Variants in RAB3GAP1 observed in about 807,000 individuals in gnomAD.
The protein encoded by RAB3GAP1 is RAB3 GTPase activating protein catalytic subunit 1, also known as rab3 GTPase-activating protein catalytic subunit.
In RAB3GAP1, 86 loss-of-function variants were observed where a neutral mutation model predicts 130.7. That is an observed-to-expected ratio of 0.66 (90% CI 0.55 to 0.79). The LOEUF is 0.79. RAB3GAP1 is among the 30% of genes least tolerant of loss of function. RAB3GAP1 has a pLI of 0.00. For synonymous variants in RAB3GAP1, 367 were observed against 401.7 expected, an observed-to-expected ratio of 0.91 and a Z score of 1.03; for missense variants, 1,029 against 1,169.4, an observed-to-expected ratio of 0.88 and a Z score of 1.75.
intron 11 of RAB3GAP1, among the ~76,000 whole-genome samples, chr2:135,128,263 A>G (rs1441147188): frequency 6.6e-6 from 1 of 152,226 alleles, no homozygotes; most frequent in African/African-American, 2.4e-5. Context: ...CAAGAGTATT[A>G]CAGTTGGACA....
chr2:135,098,120 G>C (rs1690352164), intron 5 of RAB3GAP1, among the ~76,000 whole-genome samples: 1 of 152,038 alleles, frequency 6.6e-6, no homozygotes, highest in Non-Finnish European at 1.5e-5. Context: ...TCTTTCGTGT[G>C]TTTATTTGTC....
At chr2:135,168,376 C>A (rs1431466507) in intron 23 of RAB3GAP1, among the ~76,000 whole-genome samples, 169 bp from the exon 24 acceptor site, 1 of 152,222 alleles carries the variant, frequency 6.6e-6, no homozygotes, top group African/African-American at 2.4e-5. Flanking sequence ...AAGCTTCTTG[C>A]ATTTGCTGTG....
intron 17 of RAB3GAP1, among the ~76,000 whole-genome samples, chr2:135,140,171 C>T (rs1432427872): frequency 6.6e-6 from 1 of 152,142 alleles, no homozygotes; most frequent in Non-Finnish European, 1.5e-5. Context: ...GTTGTTTTCA[C>T]TTTGGGCTAA....
At chr2:135,158,046 G>A (rs1692364426) in intron 19 of RAB3GAP1, among the ~76,000 whole-genome samples, 2 of 152,048 alleles carry the variant, frequency 1.3e-5, no homozygotes, top group Non-Finnish European at 2.9e-5. Context: ...AAGGAAGAAC[G>A]CAGTGGCAAT....
At chr2:135,107,553 ATTGT>A (rs994232473) in intron 5 of RAB3GAP1, among the ~76,000 whole-genome samples, 8 of 152,216 alleles carry the variant, frequency 5.3e-5, no homozygotes, top group African/African-American at 1.9e-4. Flanking sequence ...CAAAAAATGA[ATTGT>A]TTGAGCACCT....
chr2:135,137,986 T>C (rs1307298220), intron 17 of RAB3GAP1, among the ~76,000 whole-genome samples: 3 of 151,922 alleles, frequency 2.0e-5, no homozygotes, highest in Admixed American at 2.0e-4. Context: ...CCACCATGCC[T>C]GGCTAATTTT....
At chr2:135,153,499 A>T in intron 18 of RAB3GAP1, 150 bp from the exon 19 acceptor site, 1 of 695,952 alleles carries the variant, frequency 1.4e-6, no homozygotes, top group Non-Finnish European at 2.6e-6. Flanking sequence ...TTAACATCTG[A>T]CCTATTTTAA....
chr2:135,058,307 GTGTA>G, intron 3 of RAB3GAP1: 7 of 451,064 alleles, frequency 1.6e-5, no homozygotes, highest in East Asian at 4.2e-5. Context: ...ATATGTGTGT[GTGTA>G]TATATATATA....
At chr2:135,173,741 AAGC>A (rs946370893), downstream of RAB3GAP1, among the ~76,000 whole-genome samples, 4 of 152,112 alleles carry the variant, frequency 2.6e-5, no homozygotes, top group African/African-American at 9.7e-5. Flanking sequence ...GAAGGTCATG[AAGC>A]AGCTGCCAAT....
intron 9 of RAB3GAP1, 34 bp from the exon 10 acceptor site, chr2:135,126,147 A>G: frequency 6.8e-7 from 1 of 1,478,618 alleles, no homozygotes; most frequent in Non-Finnish European, 9.5e-7. Flanking sequence ...CTGAGTCAGT[A>G]TTAAAGCTTT....
intron 3 of RAB3GAP1, 61 bp downstream of exon 3, chr2:135,058,147 C>G: frequency 1.5e-6 from 2 of 1,372,154 alleles, no homozygotes; most frequent in Non-Finnish European, 2.1e-6. Flanking sequence ...TATTTTCCAG[C>G]CCTTTGCTGC....
At chr2:135,143,908 A>C (rs1481272426) in intron 17 of RAB3GAP1, among the ~76,000 whole-genome samples, 1 of 152,164 alleles carries the variant, frequency 6.6e-6, no homozygotes, top group Non-Finnish European at 1.5e-5. Context: ...ATAATTCCTG[A>C]ATATGTTCTC....
intron 8 of RAB3GAP1, among the ~76,000 whole-genome samples, chr2:135,122,948 C>T (rs1023042932): frequency 1.1e-4 from 16 of 152,026 alleles, no homozygotes; most frequent in Non-Finnish European, 2.1e-4. Flanking sequence ...AGGCTGGTCT[C>T]GAACTCCTGA....
At chr2:135,148,804 G>A (rs549010906) in intron 17 of RAB3GAP1, among the ~76,000 whole-genome samples, 2 of 150,234 alleles carry the variant, frequency 1.3e-5, no homozygotes, top group East Asian at 2.0e-4. Flanking sequence ...GAGCCATCAC[G>A]CCCAGCCTCA....
At chr2:135,118,989 A>G (rs1279627619) in intron 7 of RAB3GAP1, among the ~76,000 whole-genome samples, 1 of 152,094 alleles carries the variant, frequency 6.6e-6, no homozygotes, top group Non-Finnish European at 1.5e-5. Context: ...CCACACCTCA[A>G]GGCATGTGCC....
chr2:135,142,522 T>G (rs1691870950), intron 17 of RAB3GAP1, among the ~76,000 whole-genome samples: 1 of 152,174 alleles, frequency 6.6e-6, no homozygotes, highest in African/African-American at 2.4e-5. Flanking sequence ...TTACTTTTCT[T>G]ATCTTATTGC....
chr2:135,090,278 G>C (rs1192632917), intron 3 of RAB3GAP1, among the ~76,000 whole-genome samples: 1 of 152,140 alleles, frequency 6.6e-6, no homozygotes, highest in African/African-American at 2.4e-5. Context: ...GTATAGCCAT[G>C]AAAACATTTT....
At chr2:135,068,444 A>C (rs1689382436) in intron 3 of RAB3GAP1, among the ~76,000 whole-genome samples, 2 of 151,954 alleles carry the variant, frequency 1.3e-5, no homozygotes, top group South Asian at 2.1e-4. Flanking sequence ...GTAGACTATA[A>C]AAATTTTTCT....
At chr2:135,102,574 C>G (rs892485191) in intron 5 of RAB3GAP1, among the ~76,000 whole-genome samples, 1 of 152,168 alleles carries the variant, frequency 6.6e-6, no homozygotes, top group African/African-American at 2.4e-5. Flanking sequence ...TAAGGGAGGA[C>G]ACATTTTGTC....
Sources: gnomAD v4.1 joint callset for allele counts (sites outside exome capture counted in the v4.1 genomes callset) on GRCh38, gnomAD v4.1.1 for gene constraint, MANE v1.5 for transcripts, NCBI Gene and HGNC (gene_info 2026-07-23, HGNC 2026-07-21) for gene names.